Variants in EFCAB11 observed in about 807,000 individuals in gnomAD.
The protein encoded by EFCAB11 is EF-hand calcium-binding domain-containing protein 11.
Under a neutral mutation model 23.0 loss-of-function variants are expected in EFCAB11, and 14 were observed. The observed-to-expected ratio is 0.61, with a 90% CI of 0.40 to 0.95. The LOEUF (loss-of-function observed/expected upper bound fraction) is 0.95, where lower values mean the gene tolerates loss of function less well. EFCAB11 is among the 40% of genes least tolerant of loss of function. The probability of loss-of-function intolerance (pLI) is 0.00; values close to 1 mark genes in which losing one functional copy is unlikely to be tolerated. For missense variants in EFCAB11, 198 were observed against 195.8 expected, an observed-to-expected ratio of 1.01 and a Z score of -0.07; for synonymous variants, 65 against 66.6, an observed-to-expected ratio of 0.98 and a Z score of 0.11.
At chr14:89,887,368 G>A (rs956382783) in intron 5 of EFCAB11, among the ~76,000 whole-genome samples, 17 of 152,158 alleles carry the variant, frequency 1.1e-4, no homozygotes, top group African/African-American at 4.1e-4. Context: ...AGATACACAT[G>A]ATCACATAGG....
chr14:89,915,592 A>G (rs1394636333), intron 5 of EFCAB11, among the ~76,000 whole-genome samples: 1 of 152,212 alleles, frequency 6.6e-6, no homozygotes, highest in Non-Finnish European at 1.5e-5. Flanking sequence ...AAAATTAGAA[A>G]TGCATTTCTT....
At chr14:89,901,273 T>C (rs866341274) in intron 5 of EFCAB11, among the ~76,000 whole-genome samples, 1 of 152,228 alleles carries the variant, frequency 6.6e-6, no homozygotes, top group Non-Finnish European at 1.5e-5. Flanking sequence ...ATGATGACTA[T>C]GTTAACATTA....
intron 3 of EFCAB11, among the ~76,000 whole-genome samples, chr14:89,933,560 C>T (rs1013242661): frequency 4.1e-4 from 62 of 152,312 alleles, no homozygotes; most frequent in African/African-American, 1.4e-3. Context: ...TAATTTCCTA[C>T]ATCTTTATTT....
At chr14:89,939,387 A>G (rs1415755032) in intron 3 of EFCAB11, among the ~76,000 whole-genome samples, 2 of 152,180 alleles carry the variant, frequency 1.3e-5, no homozygotes, top group Non-Finnish European at 2.9e-5. Flanking sequence ...TGGGCGAGAG[A>G]TTTGTAAAAG....
At chr14:89,908,163 A>C (rs1159836286) in intron 5 of EFCAB11, among the ~76,000 whole-genome samples, 1 of 152,212 alleles carries the variant, frequency 6.6e-6, no homozygotes, top group Non-Finnish European at 1.5e-5. Context: ...CTGAAGTCAA[A>C]AACCTTTTAT....
At chr14:89,881,340 G>C (rs1168709748) in intron 5 of EFCAB11, among the ~76,000 whole-genome samples, 8 of 149,278 alleles carry the variant, frequency 5.4e-5, no homozygotes, top group Admixed American at 5.4e-4. Flanking sequence ...CCCATATTTA[G>C]AGATACACAA....
chr14:89,897,766 T>C (rs1889213484), intron 5 of EFCAB11, among the ~76,000 whole-genome samples: 1 of 152,228 alleles, frequency 6.6e-6, no homozygotes, highest in Admixed American at 6.5e-5. Context: ...ATCTGATTCA[T>C]AGTATTACAC....
intron 3 of EFCAB11, among the ~76,000 whole-genome samples, chr14:89,937,330 C>T (rs1458882995): frequency 6.6e-6 from 1 of 152,098 alleles, no homozygotes; most frequent in African/African-American, 2.4e-5. Context: ...TCCCATTCTT[C>T]CCTATCCAAC....
chr14:89,865,455 G>GGAGAGA (rs139270134), intron 5 of EFCAB11, among the ~76,000 whole-genome samples: 16 of 151,290 alleles, frequency 1.1e-4, no homozygotes. Flanking sequence ...TGCTATGCGG[G>GGAGAGA]GAGAGAGAGA....
At chr14:89,905,897 A>C (rs555593534) in intron 5 of EFCAB11, among the ~76,000 whole-genome samples, 2 of 152,204 alleles carry the variant, frequency 1.3e-5, no homozygotes, top group African/African-American at 4.8e-5. Context: ...CAATGACTGC[A>C]AGAATGAAAC....
chr14:89,899,499 T>C (rs1455925390), intron 5 of EFCAB11, among the ~76,000 whole-genome samples: 1 of 152,162 alleles, frequency 6.6e-6, no homozygotes, highest in Non-Finnish European at 1.5e-5. Context: ...TGGGAAAATA[T>C]ATAGTCCTGT....
chr14:89,802,924 C>T (rs1019847460), intron 5 of EFCAB11, among the ~76,000 whole-genome samples: 6 of 152,300 alleles, frequency 3.9e-5, no homozygotes, highest in Middle Eastern at 3.4e-3. Flanking sequence ...CAACAGCTAG[C>T]GCTGGGCTTC....
In EFCAB11 at chr14:89,843,214, C is replaced by A. The variant is rs146348295; in HGVS notation, c.411-45890G>T. 8.5e-5 allele frequency among the ~76,000 whole-genome samples: 13 copies of A among 152,200 alleles called. No individual in the cohort carries two copies. The East Asian group carries it at 2.5e-3, about 29-fold the overall frequency. ...TCTTAAAAACTGAGAACTCTAGAAA[C>A]TTCTGTTCATATAGGTTATGTCAAC... On this transcript the variant is annotated intron_variant, in intron 5 of 5. Coordinates refer to ENST00000316738, the MANE Select transcript of EFCAB11 (RefSeq NM_145231.4).
At position 89,951,780 on chromosome 14, in the gene EFCAB11, C is replaced by T. The variant is rs144340936; in HGVS notation, c.172-1638G>A. 4.6e-5 allele frequency among the ~76,000 whole-genome samples: 7 copies of T among 151,024 alleles called. No individual in the cohort carries two copies. The South Asian group carries it at 1.5e-3, about 32-fold the overall frequency. On this transcript the variant is annotated intron_variant, in intron 2 of 5. Coordinates refer to ENST00000316738, the MANE Select transcript of EFCAB11 (RefSeq NM_145231.4). Reference sequence around the variant, plus strand: ...AAAAAAAAAAAAAGAAAAAAAAGAACCGGGTATGGTCGTGTGCACCTGTAG... The same window carrying T: ...AAAAAAAAAAAAAGAAAAAAAAGAATCGGGTATGGTCGTGTGCACCTGTAG...
At chr14:89,801,894 T>C (rs1885792503) in intron 5 of EFCAB11, among the ~76,000 whole-genome samples, 1 of 151,646 alleles carries the variant, frequency 6.6e-6, no homozygotes, top group African/African-American at 2.4e-5. Context: ...CTGGGGAGGC[T>C]GAGGCAGAAG....
At chr14:89,889,414 G>A (rs1397716711) in intron 5 of EFCAB11, among the ~76,000 whole-genome samples, 2 of 152,184 alleles carry the variant, frequency 1.3e-5, no homozygotes, top group African/African-American at 4.8e-5. Context: ...ATGAAATGGT[G>A]ATTGTGAGGA....
At chr14:89,875,240 C>A (rs1457639865) in intron 5 of EFCAB11, among the ~76,000 whole-genome samples, 1 of 152,202 alleles carries the variant, frequency 6.6e-6, no homozygotes, top group Non-Finnish European at 1.5e-5. Flanking sequence ...TGCAGGGGAA[C>A]TGCCCTTTTA....
chr14:89,831,583 A>G (rs1400470184), intron 5 of EFCAB11, among the ~76,000 whole-genome samples: 2 of 152,344 alleles, frequency 1.3e-5, no homozygotes, highest in African/African-American at 2.4e-5. Flanking sequence ...GTGCATGTAT[A>G]TATTAGTTTA....
intron 3 of EFCAB11, among the ~76,000 whole-genome samples, chr14:89,946,449 A>G (rs894216092): frequency 3.3e-5 from 5 of 152,166 alleles, no homozygotes; most frequent in African/African-American, 1.2e-4. Flanking sequence ...CTCCCTTTCA[A>G]TGGGGCTGTT....
Sources: allele counts gnomAD v4.1 joint callset (sites outside exome capture counted in the v4.1 genomes callset), GRCh38; gene constraint gnomAD v4.1.1; transcripts MANE v1.5; gene names NCBI Gene and HGNC (gene_info 2026-07-23, HGNC 2026-07-21).